The following UBE4A variants were observed in gnomAD, a reference collection of about 807,000 sequenced individuals.
UBE4A encodes ubiquitination factor E4A, also known as ubiquitin conjugation factor E4 A.
In UBE4A, 48 loss-of-function variants were observed where a neutral mutation model predicts 117.9. The ratio of observed to expected loss-of-function variants is 0.41; its 90% confidence interval spans 0.32 to 0.52. The LOEUF (loss-of-function observed/expected upper bound fraction) is 0.52, where lower values mean the gene tolerates loss of function less well. Ranked by LOEUF, UBE4A falls within the 20% of genes least tolerant of loss-of-function variation. UBE4A has a pLI of 0.33. For synonymous variants in UBE4A, 407 were observed against 450.0 expected, an observed-to-expected ratio of 0.90 and a Z score of 1.21; for missense variants, 1,067 against 1,296.3, an observed-to-expected ratio of 0.82 and a Z score of 2.72.
chr11:118,395,315 A>G (rs1310164185), intron 19 of UBE4A, among the ~76,000 whole-genome samples: 3 of 151,642 alleles, frequency 2.0e-5, no homozygotes, highest in Non-Finnish European at 4.4e-5. Flanking sequence ...GGGCAACAGA[A>G]CAAGACTCCA....
intron 2 of UBE4A, 104 bp from the exon 3 acceptor site, chr11:118,368,527 A>T: frequency 2.3e-6 from 3 of 1,296,546 alleles, no homozygotes; most frequent in Admixed American, 4.1e-5. Context: ...AGCTTGTTTT[A>T]CATCTGAAAT....
intron 4 of UBE4A, 126 bp downstream of exon 4, chr11:118,369,661 T>G (rs1948593399): frequency 1.5e-6 from 1 of 663,362 alleles, no homozygotes; most frequent in Non-Finnish European, 2.5e-6. Context: ...TTTTTTTTTT[T>G]TTTTACCAGT....
chr11:118,379,329 T>C (rs1292805421), intron 10 of UBE4A, 117 bp from the exon 11 acceptor site: 4 of 1,178,526 alleles, frequency 3.4e-6, no homozygotes, highest in Non-Finnish European at 4.8e-6. Flanking sequence ...TTCTGTGTCA[T>C]TGCAACTGCA....
chr11:118,376,548 T>C (rs1591299614), intron 9 of UBE4A, 26 bp from the exon 10 acceptor site: 21 of 1,602,486 alleles, frequency 1.3e-5, no homozygotes, highest in Non-Finnish European at 1.8e-5. Flanking sequence ...ACATTTACCC[T>C]CTTTTTTTTT....
chr11:118,376,656 T>C lies in UBE4A; in HGVS notation c.1533T>C (p.Leu511=), dbSNP rs782814764. Residue 511 remains leucine, a synonymous_variant, in exon 10 of 20, where the codon CTT becomes CTC. Transcript: ENST00000252108. ...PQNYNLVTEN[L]ALTEYTLYLG... ...ACTACAACCTTGTAACAGAGAACCT[T>C]GCTCTGACAGAGTACACCTTGTACT... The C allele has an allele frequency of 6.2e-7, 1 of 1,614,104 alleles. No individual in the cohort carries two copies. The highest frequency in any genetic ancestry group is 1.1e-5 in the South Asian group (1 of 91,084).
intron 6 of UBE4A, 76 bp from the exon 7 acceptor site, chr11:118,373,010 G>A: frequency 1.8e-6 from 2 of 1,117,048 alleles, no homozygotes; most frequent in South Asian, 1.4e-5. Context: ...AAGAATTATT[G>A]AAAGTAAAGA....
At chr11:118,394,303 A>AT (rs1478331904) in intron 19 of UBE4A, among the ~76,000 whole-genome samples, 1 of 152,098 alleles carries the variant, frequency 6.6e-6, no homozygotes, top group Non-Finnish European at 1.5e-5. Context: ...ACCACAGGCC[A>AT]TGCACCACTG....
chr11:118,368,865 G>GCT lies in UBE4A; in HGVS notation c.295+64_295+65dup, dbSNP rs1254879908. The GCT allele has an allele frequency of 5.8e-5, 91 of 1,568,670 alleles. 1 individual carries two copies. The East Asian group carries it at 2.0e-3, about 34-fold the overall frequency. On this transcript the variant is annotated intron_variant, in intron 3 of 19. Transcript: ENST00000252108. ...CTATTTGAGCTTGGGCTAGGGGCTT[G>GCT]CTCTTTGAAACTGGTTACAGCTAAT... is the stretch of plus-strand genomic sequence containing the variant.
intron 8 of UBE4A, 94 bp from the exon 9 acceptor site, chr11:118,374,802 A>G: frequency 8.6e-7 from 1 of 1,161,106 alleles, no homozygotes; most frequent in Non-Finnish European, 1.2e-6. Context: ...GATTAGGATT[A>G]GCATATTTTT....
At chr11:118,386,134 G>A (rs1352644270) in intron 15 of UBE4A, among the ~76,000 whole-genome samples, 1 of 151,790 alleles carries the variant, frequency 6.6e-6, no homozygotes, top group Admixed American at 6.6e-5. Flanking sequence ...TTTGTTTCTT[G>A]GCCTGGGTTT....
intron 1 of UBE4A, 139 bp from the exon 2 acceptor site, chr11:118,364,901 G>A (rs1948550659): frequency 1.2e-6 from 1 of 847,418 alleles, no homozygotes; most frequent in South Asian, 4.1e-5. Context: ...CTTGAGTTTG[G>A]GGACAGGAAT....
chr11:118,393,587 C>G (rs1443664894), intron 19 of UBE4A, among the ~76,000 whole-genome samples: 2 of 151,910 alleles, frequency 1.3e-5, no homozygotes, highest in Non-Finnish European at 2.9e-5. Context: ...GTGTGAGCCA[C>G]TGTGCCTGGC....
chr11:118,375,313 G>T, intron 9 of UBE4A, 84 bp downstream of exon 9: 3 of 1,289,650 alleles, frequency 2.3e-6, no homozygotes, highest in Non-Finnish European at 3.1e-6. Context: ...CTTTTTCACA[G>T]AGTTCCTTTC....
chr11:118,363,515 G>T (rs1948538070), intron 1 of UBE4A, among the ~76,000 whole-genome samples: 1 of 151,774 alleles, frequency 6.6e-6, no homozygotes, highest in African/African-American at 2.4e-5. Flanking sequence ...GGAGCATGAA[G>T]CAAGTGCTGA....
rs1555126929 is a variant in UBE4A, at chr11:118,384,914, A to G, written c.2381A>G (p.Asp794Gly). Reference sequence around the variant, plus strand: ...CGCTTTCTTAACCTGCTAATGAATGATGCCATCTTCCTTTTGGATGAAGCC... The same window carrying G: ...CGCTTTCTTAACCTGCTAATGAATGGTGCCATCTTCCTTTTGGATGAAGCC... ...FLRFLNLLMN[D>G]AIFLLDEAIQ... The change falls in exon 15 of 20, where the codon GAT (aspartate) becomes GGT (glycine). Residue 794 changes from aspartate (D) to glycine (G), a missense_variant. Transcript: ENST00000252108. The G allele has an allele frequency of 1.5e-5, 24 of 1,553,804 alleles. No individual in the cohort carries two copies. Among genetic ancestry groups the G allele is most frequent in the Non-Finnish European group, 2.1e-5 (24 of 1,133,010 alleles).
chr11:118,367,518 C>CT lies in UBE4A; in HGVS notation c.122-1093dup, dbSNP rs36110679. ...AGGGTAACTTGGTAGTAAATGTTAA[C>CT]TTTTTTTTTTTTTTTTTTTTGAGAC... On this transcript the variant is annotated intron_variant, in intron 2 of 19. Transcript: ENST00000252108. Among the ~76,000 whole-genome samples the CT allele has an allele frequency of 2.8e-3, 349 of 123,272 alleles. 1 individual carries two copies. Among genetic ancestry groups the CT allele is most frequent in the Non-Finnish European group, 3.3e-3 (196 of 59,726 alleles). The allele number at this position is 123,272 out of a possible 152,430, so 80.9% of individuals were successfully genotyped here. A position where few individuals can be genotyped will look rare whatever the true frequency, so the allele number is the denominator to read the frequency against.
intron 10 of UBE4A, among the ~76,000 whole-genome samples, chr11:118,377,552 T>C (rs1948663776): frequency 1.3e-5 from 2 of 152,046 alleles, no homozygotes; most frequent in Non-Finnish European, 2.9e-5. Context: ...ATTAAATCAC[T>C]GTCTTCCTAT....
rs1246573454 is a variant in UBE4A at position 118,398,053 on chromosome 11, T to A, written c.*1613T>A. 1.3e-5 allele frequency: 2 copies of A among 152,646 alleles called. No homozygotes were observed. The highest frequency in any genetic ancestry group is 4.8e-5 in the African/African-American group (2 of 41,456). The allele number at this position is 152,646 out of a possible 1,614,324, so 9.5% of individuals were successfully genotyped here. A position where few individuals can be genotyped will look rare whatever the true frequency, so the allele number is the denominator to read the frequency against. On this transcript the variant is annotated 3_prime_UTR_variant, in exon 20 of 20. Transcript: ENST00000252108. ...TGTTTATTTTCTAAAATTAGCTTCA[T>A]TCAATATTTATCATCCTCCTTTCCC...
At chr11:118,368,495 G>C in intron 2 of UBE4A, 136 bp from the exon 3 acceptor site, 2 of 1,004,836 alleles carry the variant, frequency 2.0e-6, no homozygotes. Flanking sequence ...CCTGACTTGA[G>C]ATGTTCACTA....
Sources: gnomAD v4.1 joint callset for allele counts (sites outside exome capture counted in the v4.1 genomes callset) on GRCh38, gnomAD v4.1.1 for gene constraint, MANE v1.5 for transcripts, NCBI Gene and HGNC (gene_info 2026-07-23, HGNC 2026-07-21) for gene names.